The following SLC7A14 variants were observed in gnomAD, a reference collection of about 807,000 sequenced individuals.
SLC7A14 encodes the protein gamma-aminobutyric acid transporter SLC7A14.
A neutral mutation model predicts 60.2 loss-of-function variants in SLC7A14; 37 were observed. The ratio of observed to expected loss-of-function variants is 0.61; its 90% CI spans 0.47 to 0.81. The LOEUF (loss-of-function observed/expected upper bound fraction) is 0.81. SLC7A14 is among the 30% of genes least tolerant of loss of function. The pLI is 0.00. For synonymous variants in SLC7A14, 399 were observed against 395.8 expected (o/e 1.01, Z -0.10); for missense variants, 886 against 982.7 (o/e 0.90, Z 1.32).
At chr3:170,524,262 A>G (rs940720678) in intron 2 of SLC7A14, among the ~76,000 whole-genome samples, 4 of 152,234 alleles carry the variant, frequency 2.6e-5, no homozygotes, top group African/African-American at 9.6e-5. Context: ...CATTGAATGT[A>G]AAGCTGGAAA....
intron 1 of SLC7A14, among the ~76,000 whole-genome samples, chr3:170,537,770 C>T (rs138484829): frequency 3.9e-5 from 6 of 152,338 alleles, no homozygotes; most frequent in South Asian, 2.1e-4. Flanking sequence ...TGAGGCCACA[C>T]CCAAGTGATG....
chr3:170,527,109 A>G, intron 1 of SLC7A14, 21 bp from the exon 2 acceptor site: 1 of 673,538 alleles, frequency 1.5e-6, no homozygotes, highest in South Asian at 2.0e-5. Context: ...AACACAAGAA[A>G]GCAGAAGATG....
intron 1 of SLC7A14, among the ~76,000 whole-genome samples, chr3:170,551,936 T>A (rs1714364675): frequency 1.3e-5 from 2 of 152,224 alleles, no homozygotes; most frequent in Non-Finnish European, 2.9e-5. Flanking sequence ...TTATCTATTT[T>A]TCCTTTTATT....
intron 2 of SLC7A14, among the ~76,000 whole-genome samples, chr3:170,526,116 A>G (rs1367530121): frequency 1.3e-5 from 2 of 151,002 alleles, no homozygotes; most frequent in African/African-American, 4.9e-5. Context: ...ACAACAAAAA[A>G]GAAGGCCAGG....
At chr3:170,486,492 G>C in intron 4 of SLC7A14, 124 bp from the exon 5 acceptor site, 4 of 1,244,390 alleles carry the variant, frequency 3.2e-6, no homozygotes, top group South Asian at 1.4e-5. Context: ...GTAACATGGT[G>C]GAACTCGTGC....
intron 1 of SLC7A14, among the ~76,000 whole-genome samples, chr3:170,546,715 G>A (rs773119291): frequency 2.6e-4 from 39 of 152,262 alleles, no homozygotes; most frequent in Middle Eastern, 6.8e-3. Flanking sequence ...AGCAACTGAG[G>A]GGAGGCCCTT....
At chr3:170,566,658 G>T (rs2108312889) in intron 1 of SLC7A14, among the ~76,000 whole-genome samples, 1 of 152,222 alleles carries the variant, frequency 6.6e-6, no homozygotes, top group East Asian at 1.9e-4. Context: ...TGTGGCTTAA[G>T]GTCTAATCTC....
intron 5 of SLC7A14, among the ~76,000 whole-genome samples, chr3:170,484,898 C>T (rs1392423595): frequency 6.6e-6 from 1 of 152,088 alleles, no homozygotes; most frequent in Non-Finnish European, 1.5e-5. Flanking sequence ...CAGGGAGTCT[C>T]CTGAGTTAGA....
intron 1 of SLC7A14, among the ~76,000 whole-genome samples, chr3:170,583,864 A>G (rs1050695738): frequency 2.6e-5 from 4 of 152,228 alleles, no homozygotes; most frequent in African/African-American, 9.6e-5. Context: ...GAGTGGGTGA[A>G]CGGATTAAAG....
chr3:170,477,049 G>A (rs1711638302), intron 7 of SLC7A14, among the ~76,000 whole-genome samples: 1 of 152,220 alleles, frequency 6.6e-6, no homozygotes, highest in African/African-American at 2.4e-5. Flanking sequence ...ACCAAGCATG[G>A]GACCCTGTGC....
chr3:170,553,889 C>CT (rs549196944), intron 1 of SLC7A14, among the ~76,000 whole-genome samples: 6 of 145,772 alleles, frequency 4.1e-5, no homozygotes, highest in African/African-American at 7.5e-5. Context: ...TTAATATTAT[C>CT]TTTTTTTTCT....
chr3:170,569,223 G>T (rs917711645), intron 1 of SLC7A14, among the ~76,000 whole-genome samples: 1 of 152,004 alleles, frequency 6.6e-6, no homozygotes, highest in African/African-American at 2.4e-5. Context: ...AGCATGAAGG[G>T]TTGTTGAATT....
intron 2 of SLC7A14, among the ~76,000 whole-genome samples, chr3:170,512,624 C>CCTT (rs1335395955): frequency 6.7e-6 from 1 of 148,652 alleles, no homozygotes; most frequent in African/African-American, 2.5e-5. Context: ...GCGGATTCAG[C>CCTT]CTTCTATAGG....
intron 2 of SLC7A14, among the ~76,000 whole-genome samples, chr3:170,511,311 C>A (rs529488874): frequency 2.2e-4 from 34 of 151,898 alleles, no homozygotes; most frequent in African/African-American, 7.7e-4. Context: ...GCAGTAGAAT[C>A]GCTTGAACCT....
intron 7 of SLC7A14, among the ~76,000 whole-genome samples, chr3:170,479,459 T>C (rs576235690): frequency 2.4e-4 from 37 of 152,330 alleles, no homozygotes; most frequent in Admixed American, 2.4e-3. Flanking sequence ...AAGCAAGTAC[T>C]GCAAATACAA....
At chr3:170,493,645 T>G (rs1359792802) in intron 4 of SLC7A14, among the ~76,000 whole-genome samples, 2 of 152,220 alleles carry the variant, frequency 1.3e-5, no homozygotes, top group African/African-American at 4.8e-5. Context: ...GCGAGGAATG[T>G]GTGTATTACC....
intron 1 of SLC7A14, among the ~76,000 whole-genome samples, chr3:170,550,134 C>T (rs538199809): frequency 3.9e-5 from 6 of 152,278 alleles, no homozygotes; most frequent in South Asian, 2.1e-4. Context: ...TAACAGCACA[C>T]GTTGCATTAT....
Position 170,480,323 on chromosome 3 carries a change from G to A in SLC7A14, c.1959C>T (p.Ile653=). The A allele has an allele frequency of 6.4e-7, 1 of 1,552,932 alleles. No homozygotes were observed. Among genetic ancestry groups the A allele is most frequent in the Non-Finnish European group, 8.7e-7 (1 of 1,149,820 alleles). Reference sequence around the variant, plus strand: ...ACCAGACCGCAAACCGGATCCATGTGATGGTGGAGAGCTTTAGCATGAGAT... The same window carrying A: ...ACCAGACCGCAAACCGGATCCATGTAATGGTGGAGAGCTTTAGCATGAGAT... ...NIYLMLKLST[I]TWIRFAVWCF... Residue 653 remains isoleucine (I), a synonymous_variant, in exon 7 of 8, where the codon ATC becomes ATT. Coordinates refer to ENST00000231706, the MANE Select transcript of SLC7A14 (RefSeq NM_020949.3).
intron 1 of SLC7A14, among the ~76,000 whole-genome samples, chr3:170,556,867 A>T (rs927786052): frequency 6.6e-6 from 1 of 152,146 alleles, no homozygotes; most frequent in Non-Finnish European, 1.5e-5. Context: ...TTATTTCAAG[A>T]TCTACGTTAT....
Sources: allele counts gnomAD v4.1 joint callset (sites outside exome capture counted in the v4.1 genomes callset), GRCh38; gene constraint gnomAD v4.1.1; transcripts MANE v1.5; gene names NCBI Gene and HGNC (gene_info 2026-07-23, HGNC 2026-07-21).